NCEH1: variants seen among roughly 807,000 people sequenced by gnomAD.
NCEH1 encodes the protein 2-acetyl MAGE hydrolase.
A neutral mutation model predicts 25.4 loss-of-function variants in NCEH1; 9 were observed. That is an observed-to-expected ratio of 0.35 (90% CI 0.21 to 0.62). The LOEUF (loss-of-function observed/expected upper bound fraction) is 0.62. Among genes scored for constraint, NCEH1 ranks in the 20% least tolerant of loss-of-function variants. NCEH1 has a pLI of 0.72. For missense variants in NCEH1, 412 were observed against 501.1 expected (o/e 0.82, Z 1.70); for synonymous variants, 200 against 199.8 (o/e 1.00, Z -0.01).
chr3:172,681,873 T>C (rs543163230), intron 1 of NCEH1, among the ~76,000 whole-genome samples: 8 of 150,870 alleles, frequency 5.3e-5, no homozygotes, highest in Non-Finnish European at 1.0e-4. Context: ...ATCACACCAC[T>C]GCACTCCAGC....
intron 1 of NCEH1, among the ~76,000 whole-genome samples, chr3:172,670,717 T>C (rs1481689985): frequency 2.0e-5 from 3 of 152,258 alleles, no homozygotes; most frequent in Non-Finnish European, 4.4e-5. Context: ...CATCAGTAGT[T>C]AATGGTAATA....
intron 1 of NCEH1, among the ~76,000 whole-genome samples, chr3:172,696,187 A>C (rs1713358726): frequency 6.6e-6 from 1 of 152,150 alleles, no homozygotes; most frequent in Non-Finnish European, 1.5e-5. Context: ...CTTCATGTTC[A>C]CAGATAAGAA....
intron 2 of NCEH1, among the ~76,000 whole-genome samples, chr3:172,646,064 A>C (rs1717106862): frequency 6.6e-6 from 1 of 152,206 alleles, no homozygotes. Context: ...AGAATCATGC[A>C]ATTTTAGGCT....
At chr3:172,706,029 A>C (rs1190626845) in intron 1 of NCEH1, among the ~76,000 whole-genome samples, 1 of 151,466 alleles carries the variant, frequency 6.6e-6, no homozygotes, top group Non-Finnish European at 1.5e-5. Context: ...AAAAAAAAAA[A>C]AAACCCATGT....
chr3:172,643,460 G>A (rs1322757347), intron 3 of NCEH1, among the ~76,000 whole-genome samples: 1 of 152,176 alleles, frequency 6.6e-6, no homozygotes, highest in African/African-American at 2.4e-5. Flanking sequence ...AGTCATGAGT[G>A]ATGGAACTTG....
chr3:172,690,055 C>T (rs1448589840), intron 1 of NCEH1, among the ~76,000 whole-genome samples: 1 of 151,840 alleles, frequency 6.6e-6, no homozygotes, highest in East Asian at 2.0e-4. Context: ...AGGCGCCCGC[C>T]ACCATGCCCG....
chr3:172,650,722 G>A (rs899207231), intron 1 of NCEH1, among the ~76,000 whole-genome samples: 3 of 145,544 alleles, frequency 2.1e-5, no homozygotes, highest in African/African-American at 2.6e-5. Context: ...TGAGGTAAGC[G>A]AATCGCTTGA....
chr3:172,663,241 G>A (rs938528290), intron 1 of NCEH1, among the ~76,000 whole-genome samples: 2 of 152,174 alleles, frequency 1.3e-5, no homozygotes, highest in African/African-American at 2.4e-5. Context: ...TCAGGAGCAG[G>A]TTGTTCAGTT....
At chr3:172,690,228 T>C (rs963806664) in intron 1 of NCEH1, among the ~76,000 whole-genome samples, 1 of 152,164 alleles carries the variant, frequency 6.6e-6, no homozygotes, top group African/African-American at 2.4e-5. Context: ...TGAACATTTC[T>C]TTAAGAATAC....
intron 1 of NCEH1, among the ~76,000 whole-genome samples, chr3:172,651,635 T>C (rs1202053152): frequency 6.6e-6 from 1 of 150,428 alleles, no homozygotes; most frequent in Admixed American, 6.6e-5. Context: ...CTCGGCTCAC[T>C]GAAACCTCCG....
At chr3:172,679,778 C>T (rs1220762140) in intron 1 of NCEH1, among the ~76,000 whole-genome samples, 2 of 151,890 alleles carry the variant, frequency 1.3e-5, no homozygotes, top group South Asian at 2.1e-4. Context: ...TAGTGATTCC[C>T]GCCATCTTCT....
At chr3:172,691,676 G>A (rs113090591) in intron 1 of NCEH1, among the ~76,000 whole-genome samples, 2,163 of 150,976 alleles carry the variant, frequency 0.014, no homozygotes, top group African/African-American at 0.041. Flanking sequence ...CTGGCCGGGC[G>A]CGGTGGCTCA....
intron 1 of NCEH1, among the ~76,000 whole-genome samples, chr3:172,695,365 T>C (rs1379751936): frequency 6.6e-6 from 1 of 152,186 alleles, no homozygotes; most frequent in Non-Finnish European, 1.5e-5. Flanking sequence ...TCTTCACAGT[T>C]GACACAAAAT....
intron 1 of NCEH1, among the ~76,000 whole-genome samples, chr3:172,694,978 T>C (rs1379580155): frequency 6.6e-6 from 1 of 152,104 alleles, no homozygotes; most frequent in Non-Finnish European, 1.5e-5. Flanking sequence ...GAGGACCAAG[T>C]GCTGTTCGTC....
At position 172,710,876 on chromosome 3, in the gene NCEH1, C is replaced by T; in HGVS notation, c.109G>A (p.Asp37Asn). Residue 37 changes from aspartate (D) to asparagine (N), a missense_variant, in exon 1 of 5, where the codon GAC (aspartate) becomes AAC (asparagine). Asp to Asn is a conservative substitution (Grantham distance 23). This residue lies in a region of NCEH1 where 178 missense variants were observed against 189.2 expected (regional missense o/e 0.94). Transcript: ENST00000475381. ...TGCTGTGCACCCCGGAAAGTGGCGT[C>T]CAGCAGCATCAGCTTCCAGGGGTCG... is the stretch of plus-strand genomic sequence containing the variant. ...VSDPWKLMLL[D>N]ATFRGAQQVS... The T allele has an allele frequency of 6.2e-7, 1 of 1,614,120 alleles. No individual in the cohort carries two copies. Among genetic ancestry groups the T allele is most frequent in the East Asian group, 2.2e-5 (1 of 44,894 alleles).
intron 1 of NCEH1, 52 bp downstream of exon 1, chr3:172,710,795 C>G: frequency 6.2e-7 from 1 of 1,601,608 alleles, no homozygotes; most frequent in Non-Finnish European, 8.5e-7. Flanking sequence ...GTATCCCCTT[C>G]AAATATTGCG....
chr3:172,672,875 G>A (rs1170049562), intron 1 of NCEH1, among the ~76,000 whole-genome samples: 1 of 152,190 alleles, frequency 6.6e-6, no homozygotes, highest in African/African-American at 2.4e-5. Flanking sequence ...TGTCCATCCA[G>A]TGGCAAAAAC....
intron 1 of NCEH1, among the ~76,000 whole-genome samples, chr3:172,699,739 C>T (rs1055706744): frequency 6.6e-6 from 1 of 152,194 alleles, no homozygotes; most frequent in African/African-American, 2.4e-5. Context: ...GTGGTGTATG[C>T]CTGTGGTCCC....
chr3:172,661,097 A>G (rs1230345618), intron 1 of NCEH1, among the ~76,000 whole-genome samples: 1 of 152,104 alleles, frequency 6.6e-6, no homozygotes, highest in African/African-American at 2.4e-5. Context: ...TAGGGTTTTT[A>G]TGGTTTTAGG....
Sources: allele counts gnomAD v4.1 joint callset (sites outside exome capture counted in the v4.1 genomes callset), GRCh38; gene constraint gnomAD v4.1.1; regional missense constraint gnomAD v4.1.1; transcripts MANE v1.5; gene names NCBI Gene and HGNC (gene_info 2026-07-23, HGNC 2026-07-21).